The following NEGR1 variants were observed in gnomAD, a reference collection of about 807,000 sequenced individuals.
NEGR1 encodes the protein neuronal growth regulator 1, also known as IgLON family member 4.
In NEGR1, 10 loss-of-function variants were observed where a neutral mutation model predicts 40.9. The observed-to-expected ratio is 0.24, with a 90% CI of 0.15 to 0.42. NEGR1 has a LOEUF of 0.42. Ranked by LOEUF, NEGR1 falls within the 10% of genes least tolerant of loss-of-function variation. The probability of loss-of-function intolerance (pLI) is 1.00; values close to 1 mark genes in which losing one functional copy is unlikely to be tolerated. For missense variants in NEGR1, 352 were observed against 438.9 expected (o/e 0.80, Z 1.77); for synonymous variants, 185 against 166.8 (o/e 1.11, Z -0.84).
chr1:72,216,383 AC>A (rs1300321044), intron 1 of NEGR1, among the ~76,000 whole-genome samples: 1 of 91,352 alleles, frequency 1.1e-5, no homozygotes, highest in African/African-American at 5.8e-5. Flanking sequence ...ATATATATAT[AC>A]ATATATATAT....
chr1:71,726,411 G>T (rs1184409276), intron 3 of NEGR1, among the ~76,000 whole-genome samples: 1 of 152,074 alleles, frequency 6.6e-6, no homozygotes, highest in Non-Finnish European at 1.5e-5. Flanking sequence ...TAGGAACTCA[G>T]TTTAAACTAG....
At chr1:72,152,594 A>C (rs917650073) in intron 1 of NEGR1, among the ~76,000 whole-genome samples, 2 of 151,992 alleles carry the variant, frequency 1.3e-5, no homozygotes, top group Non-Finnish European at 2.9e-5. Flanking sequence ...CTTAAAACAG[A>C]GCTACCATTT....
intron 6 of NEGR1, among the ~76,000 whole-genome samples, chr1:71,544,224 TA>T (rs1647812517): frequency 6.6e-6 from 1 of 151,730 alleles, no homozygotes; most frequent in African/African-American, 2.4e-5. Context: ...AAGTAGTATA[TA>T]TTTTTTGCTA....
chr1:72,142,206 A>G (rs1402340311), intron 1 of NEGR1, among the ~76,000 whole-genome samples: 1 of 151,840 alleles, frequency 6.6e-6, no homozygotes, highest in Admixed American at 6.6e-5. Flanking sequence ...TTTATAATTT[A>G]ATGCTTCGTT....
intron 4 of NEGR1, among the ~76,000 whole-genome samples, chr1:71,662,275 A>G (rs1468131493): frequency 1.3e-5 from 2 of 152,176 alleles, no homozygotes; most frequent in African/African-American, 4.8e-5. Flanking sequence ...AGCAAAAATA[A>G]TCACACTGCC....
chr1:71,921,669 G>A (rs1557434702), intron 2 of NEGR1, among the ~76,000 whole-genome samples: 1 of 140,382 alleles, frequency 7.1e-6, no homozygotes, highest in African/African-American at 2.6e-5. Flanking sequence ...AATATATATA[G>A]AATATTATAT....
intron 6 of NEGR1, among the ~76,000 whole-genome samples, chr1:71,448,687 A>C (rs1646601693): frequency 6.6e-6 from 1 of 152,192 alleles, no homozygotes. Context: ...CAGTAGGACA[A>C]AGTCTCCCAA....
intron 2 of NEGR1, among the ~76,000 whole-genome samples, chr1:71,797,643 T>C (rs1281852508): frequency 6.6e-6 from 1 of 152,194 alleles, no homozygotes; most frequent in Non-Finnish European, 1.5e-5. Context: ...ATGTAGGCTT[T>C]ATAGAACTAA....
intron 6 of NEGR1, chr1:71,571,119 A>G (rs1301198854): frequency 6.6e-6 from 1 of 152,198 alleles, no homozygotes; most frequent in South Asian, 2.1e-4. Context: ...ATGTTGTGAA[A>G]ATTCATATTA....
At chr1:71,948,679 A>T (rs1225045945) in intron 1 of NEGR1, among the ~76,000 whole-genome samples, 1 of 152,116 alleles carries the variant, frequency 6.6e-6, no homozygotes, top group African/African-American at 2.4e-5. Flanking sequence ...ATCTCCCCAC[A>T]TATCGATGCC....
intron 6 of NEGR1, among the ~76,000 whole-genome samples, chr1:71,479,505 C>T (rs955961802): frequency 6.6e-6 from 1 of 151,926 alleles, no homozygotes; most frequent in Non-Finnish European, 1.5e-5. Flanking sequence ...TTTTCTCTTC[C>T]GGACAGGCTA....
intron 3 of NEGR1, among the ~76,000 whole-genome samples, chr1:71,718,240 T>C (rs1346345826): frequency 6.6e-6 from 1 of 152,200 alleles, no homozygotes; most frequent in Admixed American, 6.5e-5. Context: ...GGAAGATCCC[T>C]CATGAGTTGG....
chr1:72,277,636 T>C (rs1656103313), intron 1 of NEGR1, among the ~76,000 whole-genome samples: 1 of 152,178 alleles, frequency 6.6e-6, no homozygotes, highest in South Asian at 2.1e-4. Context: ...TCCTAGAACA[T>C]ATTTTTCCAG....
chr1:72,214,365 G>A (rs1653720701), intron 1 of NEGR1, among the ~76,000 whole-genome samples: 1 of 152,068 alleles, frequency 6.6e-6, no homozygotes, highest in Non-Finnish European at 1.5e-5. Context: ...GTTCTGGCCA[G>A]GGCAATCAGG....
chr1:71,988,958 T>G (rs1000662782), intron 1 of NEGR1, among the ~76,000 whole-genome samples: 2 of 139,122 alleles, frequency 1.4e-5, no homozygotes, highest in African/African-American at 3.2e-5. Flanking sequence ...AGGCTTTCTA[T>G]GTTCTGAAGT....
intron 2 of NEGR1, among the ~76,000 whole-genome samples, chr1:71,806,746 CA>C (rs1657784696): frequency 6.6e-6 from 1 of 152,028 alleles, no homozygotes; most frequent in Admixed American, 6.6e-5. Context: ...TTAATCTCCC[CA>C]AGTGTTGAAA....
At chr1:72,104,052 T>C (rs986167371) in intron 1 of NEGR1, among the ~76,000 whole-genome samples, 5 of 151,872 alleles carry the variant, frequency 3.3e-5, no homozygotes, top group African/African-American at 1.2e-4. Context: ...CCTTCCTTCC[T>C]ATAAACCACA....
intron 6 of NEGR1, among the ~76,000 whole-genome samples, chr1:71,472,277 C>G (rs766630533): frequency 1.3e-5 from 2 of 152,098 alleles, no homozygotes; most frequent in African/African-American, 2.4e-5. Context: ...ACAAAATTGT[C>G]TGACTGGCTA....
At chr1:72,186,976 CT>C (rs1652634940) in intron 1 of NEGR1, among the ~76,000 whole-genome samples, 1 of 151,642 alleles carries the variant, frequency 6.6e-6, no homozygotes, top group Non-Finnish European at 1.5e-5. Flanking sequence ...GCTAATTTTT[CT>C]CTTCAAAAGG....
Sources: gnomAD v4.1 joint callset for allele counts (sites outside exome capture counted in the v4.1 genomes callset) on GRCh38, gnomAD v4.1.1 for gene constraint, MANE v1.5 for transcripts, NCBI Gene and HGNC (gene_info 2026-07-23, HGNC 2026-07-21) for gene names.